The following KANSL3 variants were observed in gnomAD, a reference collection of about 807,000 sequenced individuals.
KANSL3 encodes the protein KAT8 regulatory NSL complex subunit 3, also known as NSL complex protein NSL3.
In KANSL3, 16 loss-of-function variants were observed where a neutral mutation model predicts 89.2. The ratio of observed to expected loss-of-function variants is 0.18; its 90% CI spans 0.12 to 0.27. KANSL3 has a LOEUF of 0.27. Ranked by LOEUF, KANSL3 falls within the 10% of genes least tolerant of loss-of-function variation. The pLI is 1.00. For synonymous variants in KANSL3, 385 were observed against 419.7 expected, an observed-to-expected ratio of 0.92 and a Z score of 1.01; for missense variants, 879 against 1,110.6, an observed-to-expected ratio of 0.79 and a Z score of 2.96.
In KANSL3 at chr2:96,595,513, C is replaced by T. The variant is rs1301486826; in HGVS notation, c.*98G>A. ...AAATGACTGTCTTAAACAGGTCTTC[C>T]GACACGTGGACAGCTCAGCAGGACC... On this transcript the variant is annotated 3_prime_UTR_variant, in exon 21 of 21. Coordinates refer to ENST00000431828, the MANE Select transcript of KANSL3 (RefSeq NM_001115016.3). 29 of 1,343,852 alleles carry T rather than the reference C, an allele frequency of 2.2e-5. No individual in the cohort carries two copies. Among genetic ancestry groups the T allele is most frequent in the East Asian group, 7.1e-5 (3 of 42,182 alleles). The allele number at this position is 1,343,852 out of a possible 1,614,324, so 83.2% of individuals were successfully genotyped here. A position where few individuals can be genotyped will look rare whatever the true frequency, so the allele number is the denominator to read the frequency against.
At position 96,608,989 on chromosome 2, in the gene KANSL3, C is replaced by T. The variant is rs1436339305; in HGVS notation, c.1459G>A (p.Asp487Asn). The change falls in exon 13 of 21, where the codon GAT becomes AAT. Residue 487 changes from aspartate (D) to asparagine (N), a missense_variant. Coordinates refer to ENST00000431828, the MANE Select transcript of KANSL3 (RefSeq NM_001115016.3). ...GHMGSEPRDQ[D>N]AEKKKKPRDV... The stretch of plus-strand genomic sequence containing the variant: ...CGGGGCTTCTTCTTCTTCTCAGCAT[C>T]CTGATCCCGAGGTTCAGAGCCCATG... 1 of 1,563,562 alleles carries T rather than the reference C, an allele frequency of 6.4e-7. No homozygotes were observed. Among genetic ancestry groups the T allele is most frequent in the African/African-American group, 1.4e-5 (1 of 73,762 alleles).
intron 3 of KANSL3, among the ~76,000 whole-genome samples, chr2:96,621,617 C>A (rs1366276263): frequency 6.6e-6 from 1 of 150,628 alleles, no homozygotes; most frequent in African/African-American, 2.4e-5. Context: ...AAGTTCAAGT[C>A]CAGCCAGGGC....
At chr2:96,628,192 A>G (rs1485564534) in intron 3 of KANSL3, 15 of 1,273,744 alleles carry the variant, frequency 1.2e-5, no homozygotes, top group Non-Finnish European at 1.5e-5. Context: ...CCTAGAGGAA[A>G]GATGTGTACA....
downstream of KANSL3, among the ~76,000 whole-genome samples, chr2:96,590,060 T>C (rs1021058759): frequency 5.9e-5 from 9 of 151,704 alleles, no homozygotes; most frequent in Admixed American, 2.0e-4. Flanking sequence ...CTAGGGAGGC[T>C]GAGGCAGAAT....
At chr2:96,609,832 A>C (rs1485092628) in intron 11 of KANSL3, among the ~76,000 whole-genome samples, 1 of 151,818 alleles carries the variant, frequency 6.6e-6, no homozygotes, top group African/African-American at 2.4e-5. Context: ...CCGCTCCAGA[A>C]TTCCTATACC....
chr2:96,613,464 T>C (rs781413555), intron 6 of KANSL3, 24 bp downstream of exon 6: 3 of 1,591,486 alleles, frequency 1.9e-6, no homozygotes, highest in Non-Finnish European at 2.6e-6. Context: ...GTACCATTGT[T>C]AAGTCCTGAG....
chr2:96,581,507 C>CT, the KANSL3 span, among the ~76,000 whole-genome samples: 1 of 151,836 alleles, frequency 6.6e-6, no homozygotes, highest in Non-Finnish European at 1.5e-5. Context: ...TCTTCATATA[C>CT]TATTATAAGC....
Position 96,608,860 on chromosome 2 carries a change from C to T in KANSL3, c.1584+4G>A. 1 of 1,571,130 alleles carries T rather than the reference C, an allele frequency of 6.4e-7. No homozygotes were observed. Among genetic ancestry groups the T allele is most frequent in the Admixed American group, 1.9e-5 (1 of 53,564 alleles). Reference sequence around the variant, plus strand: ...CAAAAGCGCTCCCTCCCTGCTCACACTACCTCTGAGCCTGAGGGTGAGGCG... The same window carrying T: ...CAAAAGCGCTCCCTCCCTGCTCACATTACCTCTGAGCCTGAGGGTGAGGCG... On this transcript the variant is annotated splice_donor_region_variant and intron_variant, in intron 13 of 20. Transcript: ENST00000431828.
At chr2:96,612,785 C>A (rs953255902) in intron 7 of KANSL3, 33 bp downstream of exon 7, 5 of 1,480,548 alleles carry the variant, frequency 3.4e-6, no homozygotes, top group Admixed American at 3.9e-5. Context: ...ATATTCCCTG[C>A]CAGGAAGGAG....
chr2:96,611,935 GTGTA>G (rs1272595203), intron 9 of KANSL3, among the ~76,000 whole-genome samples: 1 of 150,708 alleles, frequency 6.6e-6, no homozygotes, highest in Non-Finnish European at 1.5e-5. Flanking sequence ...GTGTGTGTGT[GTGTA>G]TGTGAAAATG....
chr2:96,620,329 A>G (rs1372614076), intron 3 of KANSL3, among the ~76,000 whole-genome samples: 1 of 152,066 alleles, frequency 6.6e-6, no homozygotes, highest in African/African-American at 2.4e-5. Context: ...TCTCTTTTCC[A>G]TATATATTTT....
chr2:96,623,510 A>G (rs2071704636), intron 3 of KANSL3, among the ~76,000 whole-genome samples: 2 of 152,196 alleles, frequency 1.3e-5, no homozygotes. Context: ...TTCACTTTGT[A>G]CAACTATCTA....
intron 17 of KANSL3, 139 bp downstream of exon 17, chr2:96,604,111 C>T (rs900706667): frequency 5.5e-6 from 5 of 915,312 alleles, no homozygotes; most frequent in African/African-American, 5.2e-5. Flanking sequence ...TCCAGCTTCA[C>T]GTCAAGCCTC....
At chr2:96,592,713 G>C (rs1030346776), downstream of KANSL3, among the ~76,000 whole-genome samples, 1 of 152,142 alleles carries the variant, frequency 6.6e-6, no homozygotes, top group Non-Finnish European at 1.5e-5. Context: ...TTATAGAAAG[G>C]AAATTACAGG....
intron 20 of KANSL3, chr2:96,600,860 G>A (rs1240149991): frequency 1.0e-6 from 1 of 985,410 alleles, no homozygotes; most frequent in Non-Finnish European, 1.2e-6. Flanking sequence ...ATATGGGAAG[G>A]CACAGTGCTA....
rs1573717403 is a variant in KANSL3, at chr2:96,638,295, G to C, written c.-63C>G. 2 of 152,202 alleles carry C rather than the reference G, an allele frequency of 1.3e-5. No individual in the cohort carries two copies. The highest frequency in any genetic ancestry group is 4.8e-5 in the African/African-American group (2 of 41,454). The allele number at this position is 152,202 out of a possible 1,614,324, so 9.4% of individuals were successfully genotyped here. A position where few individuals can be genotyped will look rare whatever the true frequency, so the allele number is the denominator to read the frequency against. On this transcript the variant is annotated 5_prime_UTR_variant, in exon 1 of 21. Coordinates refer to ENST00000431828, the MANE Select transcript of KANSL3 (RefSeq NM_001115016.3). ...ACGCTGCTCTCACCCGCGGTCTTAC[G>C]GCCGCGCGCTCGGCCACGGCCGGAT...
At chr2:96,583,856 G>T in the KANSL3 span, among the ~76,000 whole-genome samples, 13,979 of 152,172 alleles carry the variant, frequency 0.092, 1,453 homozygotes, top group African/African-American at 0.25. Flanking sequence ...AAGAGTTCCA[G>T]GTGTTCCTTA....
the KANSL3 span, among the ~76,000 whole-genome samples, chr2:96,583,404 C>T: frequency 6.6e-6 from 1 of 152,196 alleles, no homozygotes; most frequent in African/African-American, 2.4e-5. Flanking sequence ...TTCCCCCCGA[C>T]GGAAAAAGTC....
In KANSL3 at chr2:96,604,396, G is replaced by A; in HGVS notation, c.2019-16C>T. The A allele has an allele frequency of 1.9e-6, 3 of 1,607,040 alleles. No individual in the cohort carries two copies. Among genetic ancestry groups the A allele is most frequent in the Non-Finnish European group, 2.5e-6 (3 of 1,179,258 alleles). On this transcript the variant is annotated splice_polypyrimidine_tract_variant and intron_variant, in intron 16 of 20. Transcript: ENST00000431828. ...AGAACTGGACCTGGAGACAAAGGAA[G>A]GAGCTCTGTTATCCAAAGGTCACAG...
Sources: gnomAD v4.1 joint callset for allele counts (sites outside exome capture counted in the v4.1 genomes callset) on GRCh38, gnomAD v4.1.1 for gene constraint, MANE v1.5 for transcripts, NCBI Gene and HGNC (gene_info 2026-07-23, HGNC 2026-07-21) for gene names.